BTBD7: variants seen among roughly 807,000 people sequenced by gnomAD.
BTBD7 encodes the protein BTB/POZ domain-containing protein 7.
A neutral mutation model predicts 99.9 loss-of-function variants in BTBD7; 38 were observed. That is an observed-to-expected ratio of 0.38 (90% confidence interval 0.29 to 0.50). The LOEUF (loss-of-function observed/expected upper bound fraction) is 0.50. Ranked by LOEUF, BTBD7 falls within the 20% of genes least tolerant of loss-of-function variation. BTBD7 has a pLI of 0.93. For missense variants in BTBD7, 1,170 were observed against 1,394.6 expected (o/e 0.84, Z 2.57); for synonymous variants, 520 against 511.4 (o/e 1.02, Z -0.23).
intron 3 of BTBD7, among the ~76,000 whole-genome samples, chr14:93,291,392 G>A (rs991372687): frequency 1.3e-5 from 2 of 152,158 alleles, no homozygotes; most frequent in Non-Finnish European, 2.9e-5. Context: ...CTAAGACACG[G>A]TAGAGAACTG....
chr14:93,249,528 T>C (rs8015024), intron 8 of BTBD7, among the ~76,000 whole-genome samples: 58,080 of 152,030 alleles, frequency 0.38, 12,224 homozygotes, highest in African/African-American at 0.57. Flanking sequence ...AACAAGTGCA[T>C]TCTGATGTTA....
At chr14:93,253,424 T>A (rs566928980) in intron 7 of BTBD7, among the ~76,000 whole-genome samples, 2 of 152,320 alleles carry the variant, frequency 1.3e-5, no homozygotes, top group Admixed American at 1.3e-4. Context: ...GAGAAAAATA[T>A]AAAATGCATT....
chr14:93,253,630 CA>C lies in BTBD7; in HGVS notation c.1752+16del. The C allele has an allele frequency of 6.2e-7, 1 of 1,606,772 alleles. No individual in the cohort carries two copies. Among genetic ancestry groups the C allele is most frequent in the Non-Finnish European group, 8.5e-7 (1 of 1,174,882 alleles). ...TTGTAATAAAGTAGTCTACTATCTT[CA>C]AATGGTTTTCATTACCTTTGCTTCT... is the stretch of plus-strand genomic sequence containing the variant. On this transcript the variant is annotated intron_variant, in intron 7 of 10. Transcript: ENST00000334746.
rs2052192629 is a variant in BTBD7, at chr14:93,239,154, CG to C, written c.*3118del. 6.6e-6 allele frequency: 1 copy of C among 152,324 alleles called. No individual in the cohort carries two copies. The highest frequency in any genetic ancestry group is 6.5e-5 in the Admixed American group (1 of 15,268). 9.4% of individuals were successfully genotyped at this position (152,324 alleles called of 1,614,324 possible). A position where few individuals can be genotyped will look rare whatever the true frequency, so the allele number is the denominator to read the frequency against. Reference sequence around the variant, plus strand: ...GATGCTGTTTTTTCCTTAGGAGCCACGGGTGACTCTGAACTTCAATTATTCA... The same window carrying C: ...GATGCTGTTTTTTCCTTAGGAGCCACGGTGACTCTGAACTTCAATTATTCA... On this transcript the variant is annotated 3_prime_UTR_variant, in exon 11 of 11. Transcript: ENST00000334746.
intron 1 of BTBD7, among the ~76,000 whole-genome samples, chr14:93,332,500 G>A (rs1194345558): frequency 6.6e-6 from 1 of 151,900 alleles, no homozygotes; most frequent in Non-Finnish European, 1.5e-5. Flanking sequence ...CCCAAAGCCG[G>A]CCGGGCTGCC....
At chr14:93,328,893 G>A (rs540029492) in intron 1 of BTBD7, among the ~76,000 whole-genome samples, 5 of 152,222 alleles carry the variant, frequency 3.3e-5, no homozygotes, top group African/African-American at 1.2e-4. Flanking sequence ...CTCCAGCCTT[G>A]GTGACAGACC....
Position 93,279,061 on chromosome 14 carries a change from T to C in BTBD7, c.1162+14797A>G, listed in dbSNP as rs137863484. On this transcript the variant is annotated intron_variant, in intron 3 of 10. Coordinates refer to ENST00000334746, the MANE Select transcript of BTBD7 (RefSeq NM_001002860.4). The stretch of plus-strand genomic sequence containing the variant: ...CAGATTTCATCTACTTACAGCAGAA[T>C]GTATGTACTTTTAAGACCCTCACTA... Among the ~76,000 whole-genome samples the C allele has an allele frequency of 2.7e-3, 416 of 152,366 alleles. 1 individual carries two copies. The highest frequency in any genetic ancestry group is 9.5e-3 in the African/African-American group (394 of 41,584).
At chr14:93,316,677 T>C (rs1406354566) in intron 1 of BTBD7, among the ~76,000 whole-genome samples, 3 of 152,196 alleles carry the variant, frequency 2.0e-5, no homozygotes, top group South Asian at 2.1e-4. Flanking sequence ...GCAAATATAG[T>C]AGGTGCTTAA....
chr14:93,328,161 A>C (rs1472702764), intron 1 of BTBD7, among the ~76,000 whole-genome samples: 1 of 152,222 alleles, frequency 6.6e-6, no homozygotes, highest in Non-Finnish European at 1.5e-5. Context: ...ATGGACTGGA[A>C]GACAGTATTT....
In BTBD7 at chr14:93,248,551, G is replaced by A. The variant is rs769220795; in HGVS notation, c.2046C>T (p.Ala682=). Residue 682 remains alanine (A), a synonymous_variant, in exon 9 of 11, where the codon GCC becomes GCT. Transcript: ENST00000334746. ...GAATCTGAATTTCATAGCTGACAGTGGCGCCTTCCCCGCAGTTCAGGGCAT... is the reference window on the plus strand; with the variant it reads ...GAATCTGAATTTCATAGCTGACAGTAGCGCCTTCCCCGCAGTTCAGGGCAT... ...RAYALNCGEG[A]TVSYEIQIRV... is the part of the protein sequence containing the mutation. 1 of 1,614,002 alleles carries A rather than the reference G, an allele frequency of 6.2e-7. No individual in the cohort carries two copies. Among genetic ancestry groups the A allele is most frequent in the African/African-American group, 1.3e-5 (1 of 74,928 alleles).
At chr14:93,330,481 C>T (rs1319795062) in intron 1 of BTBD7, among the ~76,000 whole-genome samples, 1 of 152,164 alleles carries the variant, frequency 6.6e-6, no homozygotes, top group African/African-American at 2.4e-5. Context: ...GGGTCTCACT[C>T]ATCTCTCTCT....
chr14:93,279,233 C>T lies in BTBD7; in HGVS notation c.1162+14625G>A, dbSNP rs144855260. Among the ~76,000 whole-genome samples the T allele has an allele frequency of 1.3e-3, 193 of 152,212 alleles. 1 individual carries two copies. The highest frequency in any genetic ancestry group is 4.2e-3 in the African/African-American group (175 of 41,556). On this transcript the variant is annotated intron_variant, in intron 3 of 10. Coordinates refer to ENST00000334746, the MANE Select transcript of BTBD7 (RefSeq NM_001002860.4). ...TATACTGAATTCTTTATCTTATAGC[C>T]GTGTTTGCCTCTGTTGCCTCATTTC...
In BTBD7 at chr14:93,248,622, T is replaced by C; in HGVS notation, c.1975A>G (p.Arg659Gly). 1 of 1,612,710 alleles carries C rather than the reference T, an allele frequency of 6.2e-7. No homozygotes were observed. Among genetic ancestry groups the C allele is most frequent in the Admixed American group, 1.7e-5 (1 of 59,902 alleles). ...PRLLIMKDMV[R>G]RLQELRHTEQ... ...GTGTGCCGCAGTTCCTGCAGTCGTCTGACCATGTCTTTCATAATGAGGAGA... is the reference window on the plus strand; with the variant it reads ...GTGTGCCGCAGTTCCTGCAGTCGTCCGACCATGTCTTTCATAATGAGGAGA... Residue 659 changes from arginine to glycine, a missense_variant, in exon 9 of 11, where the codon AGA (arginine) becomes GGA (glycine). This residue lies in a region of BTBD7 where 309 missense variants were observed against 342.0 expected (regional missense o/e 0.90). Transcript: ENST00000334746.
intron 1 of BTBD7, among the ~76,000 whole-genome samples, chr14:93,311,210 T>TCCCATCTTTGGACAGTAGAGC (rs1417857137): frequency 6.6e-6 from 1 of 152,204 alleles, no homozygotes; most frequent in Admixed American, 6.5e-5. Context: ...GTTCAAACTG[T>TCCCATCTTTGGACAGTAGAGC]CCCATCTTTG....
intron 7 of BTBD7, 86 bp from the exon 8 acceptor site, chr14:93,251,738 T>C (rs1016619200): frequency 8.9e-5 from 102 of 1,142,374 alleles, no homozygotes; most frequent in Non-Finnish European, 1.1e-4. Context: ...TTTCATCAAA[T>C]AAAAAGGGAA....
intron 3 of BTBD7, among the ~76,000 whole-genome samples, chr14:93,273,484 T>C (rs2052621278): frequency 6.6e-6 from 1 of 152,174 alleles, no homozygotes; most frequent in Non-Finnish European, 1.5e-5. Context: ...ATATCAGAAC[T>C]ACAAAGGAGA....
chr14:93,293,814 A>C, intron 3 of BTBD7, 44 bp downstream of exon 3: 2 of 1,554,348 alleles, frequency 1.3e-6, no homozygotes, highest in Non-Finnish European at 1.7e-6. Context: ...TGGAAGATCA[A>C]TACATAATTC....
chr14:93,299,360 T>C (rs953824127), intron 1 of BTBD7, among the ~76,000 whole-genome samples: 1 of 152,234 alleles, frequency 6.6e-6, no homozygotes, highest in Non-Finnish European at 1.5e-5. Flanking sequence ...ATGTTGGAAA[T>C]GAGAACTAGT....
chr14:93,257,907 T>C (rs1187715213), intron 5 of BTBD7, among the ~76,000 whole-genome samples: 1 of 152,228 alleles, frequency 6.6e-6, no homozygotes, highest in East Asian at 1.9e-4. Context: ...ATGGGAACAT[T>C]ACTGCATAAA....
Sources: gnomAD v4.1 joint callset for allele counts (sites outside exome capture counted in the v4.1 genomes callset) on GRCh38, gnomAD v4.1.1 for gene constraint, gnomAD v4.1.1 regional missense constraint, MANE v1.5 for transcripts, NCBI Gene and HGNC (gene_info 2026-07-23, HGNC 2026-07-21) for gene names.